The following SGCZ variants were observed in gnomAD, a reference collection of about 807,000 sequenced individuals.
SGCZ encodes zeta-sarcoglycan.
In SGCZ, 40 loss-of-function variants were observed where a neutral mutation model predicts 41.3. That is an observed-to-expected ratio of 0.97 (90% CI 0.75 to 1.26). The LOEUF (loss-of-function observed/expected upper bound fraction) is 1.26, where lower values mean the gene tolerates loss of function less well. Among genes scored for constraint, SGCZ ranks in the 50% most tolerant of loss-of-function variants. The probability of loss-of-function intolerance (pLI) is 0.00; values close to 1 mark genes in which losing one functional copy is unlikely to be tolerated. For missense variants in SGCZ, 552 were observed against 369.8 expected (o/e 1.49, Z -4.04); for synonymous variants, 206 against 137.5 (o/e 1.50, Z -3.49).
At chr8:14,108,037 A>C (rs1802259487) in intron 6 of SGCZ, 126 bp downstream of exon 6, 2 of 785,282 alleles carry the variant, frequency 2.5e-6, no homozygotes, top group African/African-American at 1.9e-5. Context: ...TAATATATTC[A>C]TTTTTGTATT....
intron 4 of SGCZ, among the ~76,000 whole-genome samples, chr8:14,178,814 T>A (rs1479979250): frequency 6.6e-6 from 1 of 152,228 alleles, no homozygotes; most frequent in African/African-American, 2.4e-5. Context: ...ATGAGATAAA[T>A]GCTTACAGGA....
intron 1 of SGCZ, among the ~76,000 whole-genome samples, chr8:15,099,921 C>T (rs1563125439): frequency 6.7e-6 from 1 of 149,778 alleles, no homozygotes; most frequent in Non-Finnish European, 1.5e-5. Context: ...GATAAAAACT[C>T]TCAGCAAAAT....
chr8:14,147,907 C>G (rs769980985), intron 5 of SGCZ, among the ~76,000 whole-genome samples: 15 of 151,860 alleles, frequency 9.9e-5, no homozygotes, highest in African/African-American at 3.4e-4. Flanking sequence ...AGGAATTTTG[C>G]GAACTATACA....
intron 1 of SGCZ, among the ~76,000 whole-genome samples, chr8:14,743,210 C>A (rs1365484771): frequency 6.6e-6 from 1 of 151,990 alleles, no homozygotes; most frequent in African/African-American, 2.4e-5. Context: ...ACTTTATAGA[C>A]CGTATCAAAT....
chr8:14,646,767 G>A (rs1467249062), intron 1 of SGCZ, among the ~76,000 whole-genome samples: 1 of 151,670 alleles, frequency 6.6e-6, no homozygotes, highest in East Asian at 1.9e-4. Context: ...TTGTTCAATT[G>A]TCCATTTTTT....
intron 1 of SGCZ, among the ~76,000 whole-genome samples, chr8:14,802,221 A>G (rs1341181936): frequency 6.6e-6 from 1 of 152,216 alleles, no homozygotes; most frequent in African/African-American, 2.4e-5. Flanking sequence ...TATCCTTTGC[A>G]TGGGAATAAG....
intron 4 of SGCZ, among the ~76,000 whole-genome samples, chr8:14,203,674 T>C (rs1002670490): frequency 8.5e-5 from 13 of 152,152 alleles, no homozygotes; most frequent in African/African-American, 2.7e-4. Flanking sequence ...CCACAATCCA[T>C]TGCTAAATTA....
intron 1 of SGCZ, among the ~76,000 whole-genome samples, chr8:14,977,584 G>C (rs1473316434): frequency 6.6e-6 from 1 of 151,980 alleles, no homozygotes; most frequent in African/African-American, 2.4e-5. Flanking sequence ...CTTAATCCTA[G>C]TAACATCATC....
At chr8:14,442,311 A>C (rs545019278) in intron 2 of SGCZ, among the ~76,000 whole-genome samples, 1 of 152,262 alleles carries the variant, frequency 6.6e-6, no homozygotes, top group East Asian at 1.9e-4. Flanking sequence ...GTTTTATAAA[A>C]GGGAGTTCCC....
intron 1 of SGCZ, among the ~76,000 whole-genome samples, chr8:14,839,007 C>T (rs1042953065): frequency 6.6e-6 from 1 of 152,030 alleles, no homozygotes; most frequent in Non-Finnish European, 1.5e-5. Flanking sequence ...GAAAGAAAGA[C>T]CTGGAGGGTC....
At chr8:14,911,316 T>C (rs1336630025) in intron 1 of SGCZ, among the ~76,000 whole-genome samples, 3 of 152,012 alleles carry the variant, frequency 2.0e-5, no homozygotes, top group Non-Finnish European at 4.4e-5. Flanking sequence ...TCTGACTGAT[T>C]TACTGATCTC....
At chr8:14,416,521 C>A (rs1156248711) in intron 2 of SGCZ, among the ~76,000 whole-genome samples, 1 of 151,794 alleles carries the variant, frequency 6.6e-6, no homozygotes, top group African/African-American at 2.4e-5. Context: ...GTGAAGGCCC[C>A]AGATGCCTCC....
intron 4 of SGCZ, among the ~76,000 whole-genome samples, chr8:14,212,064 C>G (rs2117097858): frequency 6.6e-6 from 1 of 152,202 alleles, no homozygotes; most frequent in Non-Finnish European, 1.5e-5. Flanking sequence ...TTTGAGTTCT[C>G]TCTTCTTCTT....
intron 2 of SGCZ, among the ~76,000 whole-genome samples, chr8:14,413,855 C>A (rs1252231839): frequency 6.6e-6 from 1 of 151,862 alleles, no homozygotes; most frequent in Non-Finnish European, 1.5e-5. Context: ...CAGAATCTTT[C>A]TTTGATTTGT....
intron 2 of SGCZ, among the ~76,000 whole-genome samples, chr8:14,386,302 T>TAA (rs5889531): frequency 0.033 from 4,617 of 138,462 alleles, 94 homozygotes; most frequent in African/African-American, 0.064. Flanking sequence ...TGCATCATGG[T>TAA]AAAAAAAAAA....
At chr8:14,472,796 A>G (rs1041691509) in intron 2 of SGCZ, among the ~76,000 whole-genome samples, 2 of 152,152 alleles carry the variant, frequency 1.3e-5, no homozygotes, top group East Asian at 1.9e-4. Flanking sequence ...CTAATATTGT[A>G]CCTATAAATA....
At chr8:14,937,955 A>C (rs1368634287) in intron 1 of SGCZ, among the ~76,000 whole-genome samples, 1 of 152,176 alleles carries the variant, frequency 6.6e-6, no homozygotes, top group Non-Finnish European at 1.5e-5. Context: ...TTCATGAGCT[A>C]AGTACATACT....
At chr8:14,973,630 T>C (rs972840009) in intron 1 of SGCZ, among the ~76,000 whole-genome samples, 2 of 152,206 alleles carry the variant, frequency 1.3e-5, no homozygotes, top group Non-Finnish European at 2.9e-5. Flanking sequence ...AAGAGATCAG[T>C]GTCCCACAAT....
chr8:14,249,286 G>A (rs7812895), intron 3 of SGCZ, among the ~76,000 whole-genome samples: 4,413 of 152,196 alleles, frequency 0.029, 214 homozygotes, highest in African/African-American at 0.1. Context: ...CACCATTGGC[G>A]CTTTTGATTT....
Sources: gnomAD v4.1 joint callset for allele counts (sites outside exome capture counted in the v4.1 genomes callset) on GRCh38, gnomAD v4.1.1 for gene constraint, MANE v1.5 for transcripts, NCBI Gene and HGNC (gene_info 2026-07-23, HGNC 2026-07-21) for gene names.